The following DNAH17 variants were observed in gnomAD, a reference collection of about 807,000 sequenced individuals.
DNAH17 encodes the protein axonemal beta dynein heavy chain 17.
DNAH17 carries 376 observed loss-of-function variants against 485.6 expected under a neutral mutation model. The observed-to-expected ratio is 0.77, with a 90% CI of 0.71 to 0.84. DNAH17 has a LOEUF of 0.84. Ranked by LOEUF, DNAH17 falls within the 40% of genes least tolerant of loss-of-function variation. DNAH17 has a pLI of 0.00. For synonymous variants in DNAH17, 3,031 were observed against 2,405.9 expected (o/e 1.26, Z -7.60); for missense variants, 6,370 against 5,839.3 (o/e 1.09, Z -2.96).
chr17:78,500,224 G>A (rs747105673), intron 36 of DNAH17, 81 bp downstream of exon 36: 1 of 1,434,532 alleles, frequency 7.0e-7, no homozygotes, highest in African/African-American at 1.4e-5. Flanking sequence ...AGTTTACTGT[G>A]GGGCCTCGGA....
intron 74 of DNAH17, among the ~76,000 whole-genome samples, chr17:78,437,211 C>A (rs2086877662): frequency 6.6e-6 from 1 of 152,158 alleles, no homozygotes; most frequent in African/African-American, 2.4e-5. Context: ...CCCCATCTAC[C>A]CTGGTTGCCC....
intron 49 of DNAH17, 77 bp from the exon 50 acceptor site, chr17:78,479,709 GA>G: frequency 6.3e-7 from 1 of 1,582,166 alleles, no homozygotes; most frequent in Non-Finnish European, 8.6e-7. Flanking sequence ...CTTCGCGGGA[GA>G]GTGGCCCCTG....
In DNAH17 at chr17:78,501,264, G is replaced by A; in HGVS notation, c.5403C>T (p.Asn1801=). ...AATACTGGATTTGGGCATCGCAGAT[G>A]TTGGCAAAGCAGTGTCGCTTCTCTT... The part of the protein sequence containing the change: ...WDEEKRHCFA[N]ICDAQIQYSY... The change falls in exon 35 of 81, where the codon AAC becomes AAT. Residue 1801 remains asparagine, a synonymous_variant. Transcript: ENST00000389840. 1.9e-6 allele frequency: 3 copies of A among 1,609,666 alleles called. No homozygotes were observed. The highest frequency in any genetic ancestry group is 1.1e-5 in the South Asian group (1 of 90,832).
At chr17:78,562,995 A>T (rs946780735) in intron 11 of DNAH17, among the ~76,000 whole-genome samples, 2 of 152,216 alleles carry the variant, frequency 1.3e-5, no homozygotes, top group African/African-American at 2.4e-5. Context: ...GGTGAGCCTG[A>T]GTCTCAGACT....
At chr17:78,487,835 T>C (rs1459361609) in intron 44 of DNAH17, among the ~76,000 whole-genome samples, 1 of 152,128 alleles carries the variant, frequency 6.6e-6, no homozygotes, top group Non-Finnish European at 1.5e-5. Flanking sequence ...AGACACACAC[T>C]CTTCTGTGAG....
Position 78,476,635 on chromosome 17 carries a change from A to C in DNAH17, c.8091T>G (p.Val2697=). 2 of 1,612,256 alleles carry C rather than the reference A, an allele frequency of 1.2e-6. No homozygotes were observed. The highest frequency in any genetic ancestry group is 2.2e-5 in the South Asian group (2 of 90,596). Residue 2697 remains valine (V), a synonymous_variant, in exon 52 of 81, where the codon GTT becomes GTG. Transcript: ENST00000389840. ...GCAATGTTTCCTGGTCTTTTTCGTC[A>C]ACCATTTTGTCACCATACACTCGTT... is the stretch of plus-strand genomic sequence containing the variant. ...ETERVYGDKM[V]DEKDQETLHR...
chr17:78,537,920 C>G (rs1241627189), intron 18 of DNAH17, among the ~76,000 whole-genome samples: 1 of 152,128 alleles, frequency 6.6e-6, no homozygotes, highest in African/African-American at 2.4e-5. Context: ...GGGTGGATCA[C>G]CTGAGGTCAG....
chr17:78,435,076 C>A (rs1439964451), intron 74 of DNAH17, among the ~76,000 whole-genome samples: 1 of 152,190 alleles, frequency 6.6e-6, no homozygotes, highest in Non-Finnish European at 1.5e-5. Flanking sequence ...TTCCATCACT[C>A]GAGTATCCCC....
rs2086595192 is a variant in DNAH17 at position 78,429,377 on chromosome 17, G to A, written c.12226-77C>T. On this transcript the variant is annotated intron_variant, in intron 75 of 80. Coordinates refer to ENST00000389840, the MANE Select transcript of DNAH17 (RefSeq NM_173628.4). ...GCCATGAGAGGGTCAGGCTCAGGCAGGCAGGGCGTGGGAACCCAGCCATTG... is the reference window on the plus strand; with the variant it reads ...GCCATGAGAGGGTCAGGCTCAGGCAAGCAGGGCGTGGGAACCCAGCCATTG... 6 of 1,481,588 alleles carry A rather than the reference G, an allele frequency of 4.0e-6. No homozygotes were observed. The Admixed American group carries it at 7.8e-5, about 19-fold the overall frequency. 91.8% of individuals were successfully genotyped at this position (1,481,588 alleles called of 1,614,324 possible). A position where few individuals can be genotyped will look rare whatever the true frequency, so the allele number is the denominator to read the frequency against.
intron 14 of DNAH17, among the ~76,000 whole-genome samples, chr17:78,553,319 TAA>T (rs1491356949): frequency 3.5e-4 from 10 of 28,640 alleles, no homozygotes; most frequent in East Asian, 1.1e-3. Context: ...TTTTTTTTTT[TAA>T]GATGGAGTCT....
Position 78,475,689 on chromosome 17 carries a change from C to G in DNAH17, c.8299G>C (p.Val2767Leu). The change falls in exon 53 of 81, where the codon GTT becomes CTT. Residue 2767 changes from valine (V) to leucine (L), a missense_variant. Val to Leu is a conservative substitution (Grantham distance 32). Transcript: ENST00000389840. Reference sequence around the variant, plus strand: ...CTCACCAAATTCATGACTGCATTAACTTCATTGTAGCTGTCCAGGACGTCC... The same window carrying G: ...CTCACCAAATTCATGACTGCATTAAGTTCATTGTAGCTGTCCAGGACGTCC... ...LVDVLDSYNE[V>L]NAVMNLVLFE... 6.2e-7 allele frequency: 1 copy of G among 1,613,798 alleles called. No individual in the cohort carries two copies. Among genetic ancestry groups the G allele is most frequent in the Non-Finnish European group, 8.5e-7 (1 of 1,179,834 alleles).
Position 78,544,147 on chromosome 17 carries a change from GCTA to G in DNAH17, c.2392-153_2392-151del, listed in dbSNP as rs2143485847. 5 of 1,169,326 alleles carry G rather than the reference GCTA, an allele frequency of 4.3e-6. No homozygotes were observed. In the East Asian group the frequency reaches 7.6e-5, roughly 18 times the overall value. The allele number at this position is 1,169,326 out of a possible 1,614,324, so 72.4% of individuals were successfully genotyped here. ...TCTCCACGATCCATGCCCATCAGGG[GCTA>G]CTAAGGACCTGTGCCTAATTGACTG... On this transcript the variant is annotated intron_variant, in intron 16 of 80. Transcript: ENST00000389840.
intron 17 of DNAH17, among the ~76,000 whole-genome samples, chr17:78,543,105 A>C (rs1055525946): frequency 2.4e-5 from 3 of 125,430 alleles, no homozygotes; most frequent in Non-Finnish European, 4.9e-5. Flanking sequence ...GCTTGGATTA[A>C]AGATCATAGG....
At chr17:78,459,745 G>C in intron 60 of DNAH17, 39 bp downstream of exon 60, 2 of 1,609,356 alleles carry the variant, frequency 1.2e-6, no homozygotes, top group Non-Finnish European at 1.7e-6. Context: ...ATGGAGAATC[G>C]GAGGGAAGCC....
chr17:78,465,385 C>A (rs1480446646), intron 56 of DNAH17, among the ~76,000 whole-genome samples: 11 of 151,406 alleles, frequency 7.3e-5, no homozygotes, highest in Non-Finnish European at 1.6e-4. Flanking sequence ...CTCTGCCTGG[C>A]CGCCCATCAT....
In DNAH17 at chr17:78,486,245, A is replaced by G. The variant is rs1474578220; in HGVS notation, c.7080T>C (p.Gly2360=). Residue 2360 remains glycine, a synonymous_variant, in exon 45 of 81, where the codon GGT becomes GGC. Transcript: ENST00000389840. ...TCACCTGGTCCTGGAACATGGCGCC[A>G]CCGAAGGCCCAGAAGCAGGTGAACA... is the stretch of plus-strand genomic sequence containing the variant. ...YFVFTCFWAF[G]GAMFQDQLVD... 2 of 1,591,886 alleles carry G rather than the reference A, an allele frequency of 1.3e-6. No individual in the cohort carries two copies. The highest frequency in any genetic ancestry group is 1.7e-6 in the Non-Finnish European group (2 of 1,165,902).
chr17:78,547,784 C>CT (rs1427625729), intron 16 of DNAH17, among the ~76,000 whole-genome samples: 1 of 151,976 alleles, frequency 6.6e-6, no homozygotes, highest in Non-Finnish European at 1.5e-5. Context: ...CACCTGGCTC[C>CT]TTTTTGTATT....
intron 46 of DNAH17, 71 bp from the exon 47 acceptor site, chr17:78,485,828 C>T: frequency 1.9e-6 from 3 of 1,581,926 alleles, no homozygotes; most frequent in Non-Finnish European, 2.6e-6. Context: ...GTGTGCAGGC[C>T]ATGTTCTACC....
chr17:78,545,430 C>T (rs2091732659), intron 16 of DNAH17, among the ~76,000 whole-genome samples: 1 of 152,124 alleles, frequency 6.6e-6, no homozygotes, highest in African/African-American at 2.4e-5. Context: ...GATCAAGGTG[C>T]CGGCATGTTT....
Sources: gnomAD v4.1 joint callset for allele counts (sites outside exome capture counted in the v4.1 genomes callset) on GRCh38, gnomAD v4.1.1 for gene constraint, MANE v1.5 for transcripts, NCBI Gene and HGNC (gene_info 2026-07-23, HGNC 2026-07-21) for gene names.